Variants in ABCA12 observed in about 807,000 individuals in gnomAD.
ABCA12 encodes the protein glucosylceramide transporter ABCA12.
A neutral mutation model predicts 293.5 loss-of-function variants in ABCA12; 156 were observed. The ratio of observed to expected loss-of-function variants is 0.53; its 90% CI spans 0.47 to 0.61. The LOEUF (loss-of-function observed/expected upper bound fraction) is 0.61, where lower values mean the gene tolerates loss of function less well. Among genes scored for constraint, ABCA12 ranks in the 20% least tolerant of loss-of-function variants. ABCA12 has a pLI of 0.00. For missense variants in ABCA12, 2,797 were observed against 3,090.2 expected (o/e 0.91, Z 2.25); for synonymous variants, 1,063 against 1,108.0 (o/e 0.96, Z 0.81).
At chr2:215,020,614 A>T (rs1046233385) in intron 11 of ABCA12, 4 of 152,238 alleles carry the variant, frequency 2.6e-5, no homozygotes, top group Non-Finnish European at 5.9e-5. Flanking sequence ...TTGTACAACA[A>T]TGTGAATGTA....
chr2:215,100,951 G>A (rs1327307316), intron 2 of ABCA12, among the ~76,000 whole-genome samples: 1 of 152,202 alleles, frequency 6.6e-6, no homozygotes, highest in Non-Finnish European at 1.5e-5. Flanking sequence ...TCTTGGAAAA[G>A]CACCAGTTCA....
intron 38 of ABCA12, 80 bp from the exon 39 acceptor site, chr2:214,967,033 T>C (rs528078903): frequency 1.8e-6 from 2 of 1,087,026 alleles, no homozygotes; most frequent in South Asian, 2.6e-5. Context: ...AGCTATCTTA[T>C]TTATATTTAA....
chr2:214,992,462 G>A (rs202177022), intron 23 of ABCA12, among the ~76,000 whole-genome samples: 87 of 77,352 alleles, frequency 1.1e-3, no homozygotes, highest in African/African-American at 3.1e-3. Context: ...AAAAAAAAAT[G>A]AAAAAAAAAA....
At chr2:215,062,675 G>C (rs976873684) in intron 3 of ABCA12, among the ~76,000 whole-genome samples, 2 of 126,990 alleles carry the variant, frequency 1.6e-5, no homozygotes, top group Non-Finnish European at 3.5e-5. Flanking sequence ...AGGATCATTT[G>C]CTGTTTCTCG....
chr2:215,028,392 TA>T (rs1700796999), intron 9 of ABCA12, among the ~76,000 whole-genome samples: 2 of 152,252 alleles, frequency 1.3e-5, no homozygotes, highest in African/African-American at 4.8e-5. Flanking sequence ...CTGACTCATT[TA>T]AATACTATTC....
chr2:214,956,260 GATAAAT>G (rs992305930), intron 42 of ABCA12, among the ~76,000 whole-genome samples: 1 of 152,024 alleles, frequency 6.6e-6, no homozygotes, highest in Admixed American at 6.5e-5. Context: ...TCTATAAAAA[GATAAAT>G]ATAAGTAAGT....
At chr2:214,979,095 C>G in intron 31 of ABCA12, 55 bp from the exon 32 acceptor site, 1 of 1,498,918 alleles carries the variant, frequency 6.7e-7, no homozygotes, top group Non-Finnish European at 9.3e-7. Flanking sequence ...CTATAGTGCT[C>G]CAGGCCCTAA....
chr2:214,992,350 G>A (rs1699929945), intron 23 of ABCA12, among the ~76,000 whole-genome samples: 3 of 150,848 alleles, frequency 2.0e-5, no homozygotes, highest in African/African-American at 7.3e-5. Flanking sequence ...GGCTGAGGCA[G>A]GAGAATGGCG....
intron 20 of ABCA12, 96 bp downstream of exon 20, chr2:215,004,113 A>G: frequency 1.9e-6 from 2 of 1,042,692 alleles, no homozygotes; most frequent in Non-Finnish European, 2.9e-6. Context: ...CAAACTAAGT[A>G]CAGGAGAAAA....
intron 11 of ABCA12, among the ~76,000 whole-genome samples, chr2:215,021,471 G>A (rs1188538241): frequency 6.6e-6 from 1 of 152,158 alleles, no homozygotes. Context: ...TGTGTTCTAT[G>A]TGTTCTGAGG....
chr2:215,138,231 G>A lies in ABCA12; in HGVS notation c.-23C>T, dbSNP rs753031943. Reference sequence around the variant, plus strand: ...CATCCTTCAAATGCCCCAAATGAGAGATTTCCTCTTCTTTTCTCCACTCCA... The same window carrying A: ...CATCCTTCAAATGCCCCAAATGAGAAATTTCCTCTTCTTTTCTCCACTCCA... On this transcript the variant is annotated 5_prime_UTR_variant, in exon 1 of 53. Transcript: ENST00000272895. 6.2e-7 allele frequency: 1 copy of A among 1,613,100 alleles called. No homozygotes were observed. The highest frequency in any genetic ancestry group is 8.5e-7 in the Non-Finnish European group (1 of 1,179,202).
chr2:214,989,147 C>G (rs901295116), intron 26 of ABCA12, among the ~76,000 whole-genome samples, 182 bp downstream of exon 26: 3 of 105,406 alleles, frequency 2.8e-5, no homozygotes, highest in African/African-American at 9.7e-5. Flanking sequence ...CCACTGCACT[C>G]CAGCCTGGGC....
intron 18 of ABCA12, among the ~76,000 whole-genome samples, chr2:215,008,511 T>G (rs1455358175): frequency 6.6e-6 from 1 of 152,130 alleles, no homozygotes; most frequent in Non-Finnish European, 1.5e-5. Flanking sequence ...AAAGAATGAA[T>G]TAAATTATAC....
intron 8 of ABCA12, chr2:215,035,803 C>G (rs66780625): frequency 6.6e-6 from 1 of 151,788 alleles, no homozygotes; most frequent in Non-Finnish European, 1.5e-5. Flanking sequence ...AATAAGAAAT[C>G]CTGCTTACTT....
intron 24 of ABCA12, 100 bp from the exon 25 acceptor site, chr2:214,989,721 A>G: frequency 8.1e-7 from 1 of 1,232,822 alleles, no homozygotes; most frequent in East Asian, 2.5e-5. Context: ...TTGTATAGAT[A>G]AAATTGATGC....
chr2:214,976,156 TG>T, intron 33 of ABCA12, 119 bp from the exon 34 acceptor site: 1 of 1,394,966 alleles, frequency 7.2e-7, no homozygotes, highest in Non-Finnish European at 9.9e-7. Flanking sequence ...TTTAAAGATT[TG>T]GATTTGAGGT....
At chr2:214,943,698 C>T (rs1218309395) in intron 49 of ABCA12, among the ~76,000 whole-genome samples, 1 of 152,156 alleles carries the variant, frequency 6.6e-6, no homozygotes, top group Non-Finnish European at 1.5e-5. Context: ...CTACGTACCC[C>T]ATATTCTGTT....
At chr2:214,970,165 A>T in intron 37 of ABCA12, 108 bp downstream of exon 37, 1 of 1,123,264 alleles carries the variant, frequency 8.9e-7, no homozygotes, top group Non-Finnish European at 1.2e-6. Context: ...CTGAGAATTT[A>T]ACCATGTAAA....
chr2:215,005,619 G>A (rs1700235772), intron 19 of ABCA12, among the ~76,000 whole-genome samples: 1 of 152,138 alleles, frequency 6.6e-6, no homozygotes, highest in South Asian at 2.1e-4. Flanking sequence ...CTGTATCAGA[G>A]CATCACTAAC....
Sources: allele counts gnomAD v4.1 joint callset (sites outside exome capture counted in the v4.1 genomes callset), GRCh38; gene constraint gnomAD v4.1.1; transcripts MANE v1.5; gene names NCBI Gene and HGNC (gene_info 2026-07-23, HGNC 2026-07-21).